The following CLDN10 variants were observed in gnomAD, a reference collection of about 807,000 sequenced individuals.
The protein encoded by CLDN10 is claudin 10, also known as claudin-10.
A neutral mutation model predicts 22.9 loss-of-function variants in CLDN10; 15 were observed. The observed-to-expected ratio is 0.65, with a 90% CI of 0.44 to 1.01. CLDN10 has a LOEUF of 1.01. Among genes scored for constraint, CLDN10 ranks in the 50% least tolerant of loss-of-function variants. The probability of loss-of-function intolerance (pLI) is 0.00; values close to 1 mark genes in which losing one functional copy is unlikely to be tolerated. For synonymous variants in CLDN10, 114 were observed against 111.4 expected (o/e 1.02, Z -0.15); for missense variants, 247 against 287.8 (o/e 0.86, Z 1.03).
intron 3 of CLDN10, among the ~76,000 whole-genome samples, chr13:95,561,211 C>T (rs751766919): frequency 7.9e-5 from 12 of 152,144 alleles, no homozygotes; most frequent in Non-Finnish European, 1.3e-4. Context: ...GGAAGCCTCA[C>T]GTACGTGTGT....
At chr13:95,527,516 G>T (rs1271265088) in intron 1 of CLDN10, among the ~76,000 whole-genome samples, 1 of 152,150 alleles carries the variant, frequency 6.6e-6, no homozygotes, top group African/African-American at 2.4e-5. Context: ...GATCACCTGA[G>T]GTCAGGAGTT....
intron 1 of CLDN10, among the ~76,000 whole-genome samples, chr13:95,488,526 TC>T (rs1566297190): frequency 6.6e-6 from 1 of 151,862 alleles, no homozygotes; most frequent in Non-Finnish European, 1.5e-5. Flanking sequence ...CTCCCACTCT[TC>T]CCCCCAAGTC....
At chr13:95,553,034 G>A (rs1276863672) in intron 1 of CLDN10, 61 bp downstream of exon 1, 2 of 1,582,550 alleles carry the variant, frequency 1.3e-6, no homozygotes, top group Non-Finnish European at 1.7e-6. Context: ...CCCGCTAGGC[G>A]CCCTCTCGCC....
At chr13:95,529,778 CT>C (rs891919857) in intron 1 of CLDN10, among the ~76,000 whole-genome samples, 37 of 151,826 alleles carry the variant, frequency 2.4e-4, no homozygotes, top group African/African-American at 7.5e-4. Context: ...TCCAGTTTCG[CT>C]TTTTTTTCCC....
chr13:95,564,344 C>A (rs1469487537), intron 3 of CLDN10, among the ~76,000 whole-genome samples: 2 of 152,326 alleles, frequency 1.3e-5, no homozygotes, highest in East Asian at 3.9e-4. Flanking sequence ...AAGCTCTCTT[C>A]TTCCCATTAT....
At chr13:95,565,449 C>A (rs918238815) in intron 3 of CLDN10, among the ~76,000 whole-genome samples, 1 of 152,182 alleles carries the variant, frequency 6.6e-6, no homozygotes, top group Non-Finnish European at 1.5e-5. Flanking sequence ...TTTGGCCCAG[C>A]TATTTTTGTG....
At chr13:95,553,069 AGACTG>A in intron 1 of CLDN10, 96 bp downstream of exon 1, 1 of 1,496,614 alleles carries the variant, frequency 6.7e-7, no homozygotes, top group South Asian at 1.3e-5. Context: ...CGGGACCCCT[AGACTG>A]GACTCCTCTG....
Position 95,578,691 on chromosome 13 carries a change from CAG to C in CLDN10, c.*682_*683del, listed in dbSNP as rs1313113799. 6.6e-6 allele frequency: 1 copy of C among 152,192 alleles called. No individual in the cohort carries two copies. The highest frequency in any genetic ancestry group is 1.5e-5 in the Non-Finnish European group (1 of 68,046). The allele number at this position is 152,192 out of a possible 1,614,324, so 9.4% of individuals were successfully genotyped here. On this transcript the variant is annotated 3_prime_UTR_variant, in exon 5 of 5. Coordinates refer to ENST00000299339, the MANE Select transcript of CLDN10 (RefSeq NM_006984.5). ...GCCACACCATTCTCTTTGATGTATG[CAG>C]AGAGTTACGTAGCAGGGGATGTTCT...
At chr13:95,531,613 C>T (rs1209324155) in intron 1 of CLDN10, among the ~76,000 whole-genome samples, 1 of 152,050 alleles carries the variant, frequency 6.6e-6, no homozygotes, top group Non-Finnish European at 1.5e-5. Context: ...TCATTGCAAC[C>T]TCCACCTCCT....
intron 1 of CLDN10, among the ~76,000 whole-genome samples, chr13:95,538,897 T>TGA (rs2043429940): frequency 6.6e-6 from 1 of 152,158 alleles, no homozygotes; most frequent in Non-Finnish European, 1.5e-5. Flanking sequence ...TCTCTTTTTT[T>TGA]GAGATGGAGT....
chr13:95,517,763 C>A (rs1474208503), intron 1 of CLDN10, among the ~76,000 whole-genome samples: 1 of 151,840 alleles, frequency 6.6e-6, no homozygotes, highest in Non-Finnish European at 1.5e-5. Context: ...TGGTGAAACC[C>A]CATCTACTAA....
intron 1 of CLDN10, among the ~76,000 whole-genome samples, chr13:95,558,348 A>G (rs896787229): frequency 2.6e-5 from 4 of 152,332 alleles, no homozygotes; most frequent in Admixed American, 2.0e-4. Context: ...TTGGCAGCGG[A>G]GACCCAGATA....
intron 1 of CLDN10, among the ~76,000 whole-genome samples, chr13:95,540,461 A>T (rs994739578): frequency 6.6e-5 from 10 of 151,884 alleles, no homozygotes; most frequent in Admixed American, 5.3e-4. Flanking sequence ...ACCACTGCAC[A>T]CCAGCCTGGG....
At chr13:95,467,125 C>G (rs949102808) in intron 1 of CLDN10, among the ~76,000 whole-genome samples, 2 of 151,672 alleles carry the variant, frequency 1.3e-5, no homozygotes, top group Admixed American at 6.6e-5. Flanking sequence ...GATCTGCCCA[C>G]CTCAGCCTCC....
intron 1 of CLDN10, among the ~76,000 whole-genome samples, chr13:95,495,760 A>AAAAAG (rs1162651391): frequency 2.1e-4 from 27 of 129,360 alleles, no homozygotes; most frequent in African/African-American, 5.9e-4. Flanking sequence ...AAAAAAAAAG[A>AAAAAG]AAAGAAAGAA....
intron 3 of CLDN10, among the ~76,000 whole-genome samples, chr13:95,567,662 A>G (rs1012794464): frequency 6.6e-6 from 1 of 152,148 alleles, no homozygotes. Context: ...CACTATGTTG[A>G]ATAGGAGTGG....
intron 3 of CLDN10, 30 bp downstream of exon 3, chr13:95,560,493 T>C: frequency 6.6e-7 from 1 of 1,524,312 alleles, no homozygotes; most frequent in Non-Finnish European, 9.1e-7. Context: ...TGTTTCCAGC[T>C]CACAGGAAGT....
intron 1 of CLDN10, among the ~76,000 whole-genome samples, chr13:95,505,212 A>G (rs1205745370): frequency 6.6e-6 from 1 of 152,236 alleles, no homozygotes. Flanking sequence ...ATAGGATGGT[A>G]TCAGGTTCTG....
At position 95,577,213 on chromosome 13, in the gene CLDN10, T is replaced by C. The variant is rs577293648; in HGVS notation, c.465-18T>C. On this transcript the variant is annotated intron_variant, in intron 3 of 4. Coordinates refer to ENST00000299339, the MANE Select transcript of CLDN10 (RefSeq NM_006984.5). ...CCAAATAAGTGAGCTGTAATACTTGTGTAATGCTTTCTCACAGGTATGAAT... is the reference window on the plus strand; with the variant it reads ...CCAAATAAGTGAGCTGTAATACTTGCGTAATGCTTTCTCACAGGTATGAAT... The C allele has an allele frequency of 3.5e-4, 537 of 1,537,936 alleles. No homozygotes were observed. Among genetic ancestry groups the C allele is most frequent in the Non-Finnish European group, 4.7e-4 (517 of 1,111,134 alleles).
Sources: allele counts gnomAD v4.1 joint callset (sites outside exome capture counted in the v4.1 genomes callset), GRCh38; gene constraint gnomAD v4.1.1; transcripts MANE v1.5; gene names NCBI Gene and HGNC (gene_info 2026-07-23, HGNC 2026-07-21).